CRACD: variants seen among roughly 807,000 people sequenced by gnomAD.
The protein encoded by CRACD is capping protein-inhibiting regulator of actin dynamics.
Under a neutral mutation model 106.8 loss-of-function variants are expected in CRACD, and 56 were observed. The observed-to-expected ratio is 0.52, with a 90% CI of 0.42 to 0.66. The LOEUF is 0.66. Ranked by LOEUF, CRACD falls within the 30% of genes least tolerant of loss-of-function variation. The pLI is 0.00. For missense variants in CRACD, 1,730 were observed against 1,623.2 expected (o/e 1.07, Z -1.13); for synonymous variants, 754 against 670.8 (o/e 1.12, Z -1.92).
chr4:56,125,653 GT>G (rs1470319218), intron 1 of CRACD, among the ~76,000 whole-genome samples: 1 of 151,930 alleles, frequency 6.6e-6, no homozygotes, highest in African/African-American at 2.4e-5. Context: ...TTAGCCTCAA[GT>G]GATCCTCCTG....
Position 56,315,583 on chromosome 4 carries a change from G to A in CRACD, c.2081G>A (p.Gly694Asp), listed in dbSNP as rs368790983. The A allele has an allele frequency of 2.1e-5, 34 of 1,614,084 alleles. No individual in the cohort carries two copies. The highest frequency in any genetic ancestry group is 2.8e-5 in the Non-Finnish European group (33 of 1,180,048). ...AGCGAGAGGGACCAGTTGAGGCCCGGTGATGAGTCCACTCCCAGGGGCCGG... is the reference window on the plus strand; with the variant it reads ...AGCGAGAGGGACCAGTTGAGGCCCGATGATGAGTCCACTCCCAGGGGCCGG... The part of the protein sequence containing the change: ...RSSERDQLRP[G>D]DESTPRGRCD... The change falls in exon 8 of 11, where the codon GGT becomes GAT. Residue 694 changes from glycine (G) to aspartate (D), a missense_variant. Gly to Asp is a moderately conservative substitution (Grantham distance 94). Around this residue, in one of 5 missense-constraint regions of CRACD, gnomAD observed 1,620 missense variants for 1,481.6 expected, o/e 1.09. Transcript: ENST00000682029. The surrounding 1 kb of genome is among the most constrained non-coding windows in gnomAD (Gnocchi z 4.1).
chr4:56,243,702 G>A (rs1740504750), intron 2 of CRACD, among the ~76,000 whole-genome samples: 1 of 152,114 alleles, frequency 6.6e-6, no homozygotes, highest in Admixed American at 6.5e-5. Context: ...TGACATGGGT[G>A]TGCAATGTGA....
In CRACD at chr4:56,086,013, C is replaced by T. The variant is rs139995056; in HGVS notation, c.-336+36714C>T. On this transcript the variant is annotated intron_variant, in intron 1 of 10. Transcript: ENST00000682029. ...TCCCTGCATGTTACTATTTACCATT[C>T]GTAGCACTCCCCAGATTTCTTATTG... 1.8e-4 allele frequency among the ~76,000 whole-genome samples: 27 copies of T among 152,282 alleles called. No individual in the cohort carries two copies. In the East Asian group the frequency reaches 4.8e-3, roughly 27 times the overall value.
chr4:56,174,971 C>T (rs1191148514), intron 1 of CRACD, among the ~76,000 whole-genome samples: 1 of 152,130 alleles, frequency 6.6e-6, no homozygotes, highest in Non-Finnish European at 1.5e-5. Flanking sequence ...AAGTGCCACA[C>T]TTTTAAACTA....
chr4:56,065,815 T>C (rs1179252540), intron 1 of CRACD, among the ~76,000 whole-genome samples: 1 of 152,212 alleles, frequency 6.6e-6, no homozygotes, highest in African/African-American at 2.4e-5. Flanking sequence ...TGAAACTCTA[T>C]ACCTGTTAAA....
chr4:56,072,553 A>T (rs890981055), intron 1 of CRACD, among the ~76,000 whole-genome samples: 1 of 152,174 alleles, frequency 6.6e-6, no homozygotes, highest in Non-Finnish European at 1.5e-5. Flanking sequence ...ATTCACAGAG[A>T]TGTGCAGCCA....
At chr4:56,202,305 G>A (rs1406555748) in intron 2 of CRACD, among the ~76,000 whole-genome samples, 1 of 152,066 alleles carries the variant, frequency 6.6e-6, no homozygotes, top group Non-Finnish European at 1.5e-5. Context: ...GAGTACAGTG[G>A]CGTGATCTTG....
At chr4:56,090,533 T>C (rs992942606) in intron 1 of CRACD, among the ~76,000 whole-genome samples, 1 of 152,152 alleles carries the variant, frequency 6.6e-6, no homozygotes, top group East Asian at 1.9e-4. Context: ...TAGCTGGGAC[T>C]ACAGGTGCGT....
intron 8 of CRACD, among the ~76,000 whole-genome samples, chr4:56,322,776 CA>C (rs1344167750): frequency 6.6e-6 from 1 of 152,204 alleles, no homozygotes; most frequent in Non-Finnish European, 1.5e-5. Context: ...CGCCTCTAAT[CA>C]TAGCACCTTG....
At chr4:56,142,754 A>G (rs992929785) in intron 1 of CRACD, among the ~76,000 whole-genome samples, 3 of 152,082 alleles carry the variant, frequency 2.0e-5, no homozygotes, top group African/African-American at 4.8e-5. Flanking sequence ...ATTTTTCCCA[A>G]ATGTTTAGTT....
At chr4:56,206,775 T>A (rs1486271408) in intron 2 of CRACD, among the ~76,000 whole-genome samples, 1 of 152,146 alleles carries the variant, frequency 6.6e-6, no homozygotes, top group Non-Finnish European at 1.5e-5. Flanking sequence ...TAGGTGAGAG[T>A]GTAACCAAAA....
chr4:56,162,192 AATT>A (rs1225526398), intron 1 of CRACD, among the ~76,000 whole-genome samples: 1 of 151,092 alleles, frequency 6.6e-6, no homozygotes, highest in East Asian at 2.0e-4. Flanking sequence ...TATTTTTAAA[AATT>A]ATTATTATTT....
intron 1 of CRACD, among the ~76,000 whole-genome samples, chr4:56,055,797 C>G (rs948099051): frequency 6.6e-6 from 1 of 152,132 alleles, no homozygotes; most frequent in African/African-American, 2.4e-5. Context: ...GTTAGCTTTG[C>G]TTTGTTCTGT....
chr4:56,087,745 G>A (rs184861160), intron 1 of CRACD, among the ~76,000 whole-genome samples: 108 of 152,132 alleles, frequency 7.1e-4, no homozygotes, highest in African/African-American at 2.5e-3. Flanking sequence ...ATACAAAACC[G>A]ACCTCAGTCC....
intron 4 of CRACD, among the ~76,000 whole-genome samples, chr4:56,304,980 G>A (rs1250202972): frequency 6.6e-6 from 1 of 152,012 alleles, no homozygotes; most frequent in African/African-American, 2.4e-5. Context: ...AGCACCTTGG[G>A]AGCCTAATGC....
intron 1 of CRACD, among the ~76,000 whole-genome samples, chr4:56,071,370 C>T (rs139784441): frequency 2.0e-5 from 3 of 152,106 alleles, no homozygotes; most frequent in African/African-American, 7.2e-5. Context: ...GATGATTATT[C>T]TTCTTGTTTT....
intron 2 of CRACD, among the ~76,000 whole-genome samples, chr4:56,198,639 C>T (rs1737735617): frequency 6.6e-6 from 1 of 152,030 alleles, no homozygotes; most frequent in South Asian, 2.1e-4. Context: ...TGAGTTATTT[C>T]ACAAGTACCA....
intron 1 of CRACD, among the ~76,000 whole-genome samples, chr4:56,099,270 G>A (rs1234984285): frequency 6.6e-6 from 1 of 152,116 alleles, no homozygotes; most frequent in Non-Finnish European, 1.5e-5. Flanking sequence ...CAATTTTGGG[G>A]GTCAGGATCT....
chr4:56,215,740 A>C (rs1352832100), intron 2 of CRACD, among the ~76,000 whole-genome samples: 1 of 152,206 alleles, frequency 6.6e-6, no homozygotes, highest in African/African-American at 2.4e-5. Flanking sequence ...CTGAGGTTGA[A>C]GGTGACTAAG....
Sources: allele counts gnomAD v4.1 joint callset (sites outside exome capture counted in the v4.1 genomes callset), GRCh38; gene constraint gnomAD v4.1.1; regional missense constraint gnomAD v4.1.1; non-coding constraint Gnocchi (gnomAD v3.1); transcripts MANE v1.5; gene names NCBI Gene and HGNC (gene_info 2026-07-23, HGNC 2026-07-21).